HYDIN: variants seen among roughly 807,000 people sequenced by gnomAD.
The protein encoded by HYDIN is axonemal central pair apparatus protein HYDIN.
Under a neutral mutation model 403.9 loss-of-function variants are expected in HYDIN, and 132 were observed. That is an observed-to-expected ratio of 0.33 (90% CI 0.28 to 0.38). HYDIN has a LOEUF of 0.38. Ranked by LOEUF, HYDIN falls within the 10% of genes least tolerant of loss-of-function variation. HYDIN has a pLI of 1.00. For missense variants in HYDIN, 2,827 were observed against 5,009.5 expected, an observed-to-expected ratio of 0.56 and a Z score of 13.15; for synonymous variants, 1,202 against 1,891.7, an observed-to-expected ratio of 0.64 and a Z score of 9.46.
At chr16:71,019,575 T>G (rs2080397666) in intron 22 of HYDIN, among the ~76,000 whole-genome samples, 2 of 152,254 alleles carry the variant, frequency 1.3e-5, no homozygotes. Flanking sequence ...GCACTCGGTA[T>G]CGCCATGCTT....
chr16:71,010,122 G>A (rs1424182713), intron 23 of HYDIN, among the ~76,000 whole-genome samples: 2 of 134,340 alleles, frequency 1.5e-5, no homozygotes, highest in Admixed American at 7.7e-5. Context: ...GGAAGAAAGG[G>A]GGCTGAGGGG....
At chr16:70,916,009 T>C (rs542463641) in intron 47 of HYDIN, among the ~76,000 whole-genome samples, 158 of 152,324 alleles carry the variant, frequency 1.0e-3, no homozygotes, top group South Asian at 3.5e-3. Context: ...ACCAACAGCA[T>C]TGAGTCTGTT....
chr16:70,860,291 C>T, intron 70 of HYDIN, 85 bp from the exon 71 acceptor site: 2 of 1,475,634 alleles, frequency 1.4e-6, no homozygotes, highest in Non-Finnish European at 1.9e-6. Context: ...TGGCCCCAAC[C>T]CAGTCCCCCA....
At chr16:70,884,711 A>AAAACG (rs2041022714) in intron 58 of HYDIN, among the ~76,000 whole-genome samples, 1 of 151,882 alleles carries the variant, frequency 6.6e-6, no homozygotes, top group Non-Finnish European at 1.5e-5. Flanking sequence ...AAAACAAAAC[A>AAAACG]AAACAAAACA....
intron 9 of HYDIN, among the ~76,000 whole-genome samples, chr16:71,125,409 G>T (rs908208584): frequency 6.6e-6 from 1 of 152,122 alleles, no homozygotes; most frequent in Non-Finnish European, 1.5e-5. Context: ...TCATTCATTC[G>T]TTTATTAGCA....
chr16:70,803,132 C>T lies in HYDIN; in HGVS notation c.*4448G>A, dbSNP rs2034963921. On this transcript the variant is annotated 3_prime_UTR_variant, in exon 86 of 86. Transcript: ENST00000393567. ...ACTGAATTTCCCAAGGGTAATGATA[C>T]AGTTTTTAATAATTCAAACAATAAG... 6.6e-6 allele frequency among the ~76,000 whole-genome samples: 1 copy of T among 152,110 alleles called. No homozygotes were observed. The highest frequency in any genetic ancestry group is 2.4e-5 in the African/African-American group (1 of 41,420).
rs1195081488 is a variant in HYDIN, at chr16:71,228,501, ATG to A, written c.-24+2059_-24+2060del. Among the ~76,000 whole-genome samples, 3 of 152,262 alleles carry A rather than the reference ATG, an allele frequency of 2.0e-5. 1 individual carries two copies. Among genetic ancestry groups the A allele is most frequent in the African/African-American group, 7.2e-5 (3 of 41,470 alleles). On this transcript the variant is annotated intron_variant, in intron 1 of 85. Coordinates refer to ENST00000393567, the MANE Select transcript of HYDIN (RefSeq NM_001270974.2). The stretch of plus-strand genomic sequence containing the variant: ...ACCCATCAAAAAGTGGGCAAAGGAT[ATG>A]AACAGACACTTCTCAAAAGAAGACA...
Position 71,062,265 on chromosome 16 carries a change from G to A in HYDIN, c.2280C>T (p.Ser760=), listed in dbSNP as rs1342322054. 1.3e-6 allele frequency: 2 copies of A among 1,526,178 alleles called. No individual in the cohort carries two copies. Among genetic ancestry groups the A allele is most frequent in the African/African-American group, 2.7e-5 (2 of 73,218 alleles). The allele number at this position is 1,526,178 out of a possible 1,614,324, so 94.5% of individuals were successfully genotyped here. ...CCAGGACCAGTGGTATGTGGATGGT[G>A]CTGCTTGGGGAGATGACCCCGCTGG... ...PTPSGVISPS[S]TIHIPLVLET... Residue 760 remains serine (S), a synonymous_variant, in exon 17 of 86, where the codon AGC becomes AGT. Transcript: ENST00000393567.
In HYDIN at chr16:71,141,402, T is replaced by G. The variant is rs1370993562; in HGVS notation, c.842-4050A>C. The stretch of plus-strand genomic sequence containing the variant: ...ATATAAATGAGAATTTCTTCATAAC[T>G]TTAGAGAGGGAAAAGTTTCCTATGA... On this transcript the variant is annotated intron_variant, in intron 7 of 85. Coordinates refer to ENST00000393567, the MANE Select transcript of HYDIN (RefSeq NM_001270974.2). Among the ~76,000 whole-genome samples the G allele has an allele frequency of 2.0e-5, 3 of 151,980 alleles. No homozygotes were observed. The East Asian group carries it at 5.8e-4, about 29-fold the overall frequency.
chr16:71,161,654 C>T (rs2144602483), intron 6 of HYDIN, among the ~76,000 whole-genome samples: 1 of 152,138 alleles, frequency 6.6e-6, no homozygotes, highest in South Asian at 2.1e-4. Flanking sequence ...TTTAAAAGCC[C>T]TTGTTGGTTA....
chr16:71,100,585 T>C (rs1193229500), intron 10 of HYDIN, among the ~76,000 whole-genome samples: 1 of 152,196 alleles, frequency 6.6e-6, no homozygotes, highest in Non-Finnish European at 1.5e-5. Flanking sequence ...TCAGAATAGA[T>C]GCACAAATAC....
At chr16:71,165,256 C>A (rs2086169256) in intron 5 of HYDIN, among the ~76,000 whole-genome samples, 1 of 151,568 alleles carries the variant, frequency 6.6e-6, no homozygotes, top group Non-Finnish European at 1.5e-5. Context: ...TCCCCTGGTT[C>A]CCCCTGCAGC....
rs541828831 is a variant in HYDIN at position 71,067,330 on chromosome 16, C to T, written c.2035G>A (p.Gly679Ser). Residue 679 changes from glycine (G) to serine (S), a missense_variant, in exon 15 of 86, where the codon GGC (glycine) becomes AGC (serine). Transcript: ENST00000393567. ...YELALVVDVE[G>S]IGEEVLALLI... The stretch of plus-strand genomic sequence containing the variant: ...AGCGCCAGCACCTCTTCTCCGATGC[C>T]CTCCACGTCCACCACGAGTGCCAGC... 2.5e-6 allele frequency: 4 copies of T among 1,613,420 alleles called. No homozygotes were observed. The highest frequency in any genetic ancestry group is 2.2e-5 in the South Asian group (2 of 91,046).
chr16:71,222,435 A>C (rs1215413805), intron 1 of HYDIN, among the ~76,000 whole-genome samples: 1 of 152,210 alleles, frequency 6.6e-6, no homozygotes, highest in African/African-American at 2.4e-5. Flanking sequence ...CAAGACAAGG[A>C]TGCCCACTTT....
At chr16:70,871,946 T>C (rs2040132533) in intron 65 of HYDIN, 91 bp downstream of exon 65, 3 of 688,862 alleles carry the variant, frequency 4.4e-6, no homozygotes, top group Non-Finnish European at 7.7e-6. Context: ...ATTAATTCCA[T>C]TCCATGCATC....
intron 45 of HYDIN, among the ~76,000 whole-genome samples, chr16:70,925,062 C>T (rs901911071): frequency 9.2e-5 from 14 of 152,094 alleles, no homozygotes; most frequent in Non-Finnish European, 1.6e-4. Flanking sequence ...GATCTCAGTC[C>T]TGATTGAGTC....
chr16:71,195,997 AAAACAG>A (rs1250375151), intron 1 of HYDIN, among the ~76,000 whole-genome samples: 2 of 152,226 alleles, frequency 1.3e-5, no homozygotes, highest in Admixed American at 6.5e-5. Flanking sequence ...GAAGAAGGAA[AAAACAG>A]AAACAGAGAA....
In HYDIN at chr16:71,178,973, G is replaced by A. The variant is rs1313244950; in HGVS notation, c.336C>T (p.Pro112=). ...TCAGTGGAACTTCATAGACTTCACA[G>A]GGAGTGTAGTTCTGAAATATAATTT... ...PSEIIFQNYT[P]CEVYEVPLIL... Residue 112 remains proline (P), a synonymous_variant, in exon 4 of 86, where the codon CCC becomes CCT. Coordinates refer to ENST00000393567, the MANE Select transcript of HYDIN (RefSeq NM_001270974.2). 4 of 1,610,886 alleles carry A rather than the reference G, an allele frequency of 2.5e-6. No individual in the cohort carries two copies. In the South Asian group the frequency reaches 3.3e-5, roughly 13 times the overall value.
intron 20 of HYDIN, 167 bp downstream of exon 20, chr16:71,027,435 T>C: frequency 6.6e-7 from 1 of 1,506,180 alleles, no homozygotes; most frequent in East Asian, 2.5e-5. Context: ...TGAGCAGAGC[T>C]GCACCCCGAA....
Sources: gnomAD v4.1 joint callset for allele counts (sites outside exome capture counted in the v4.1 genomes callset) on GRCh38, gnomAD v4.1.1 for gene constraint, MANE v1.5 for transcripts, NCBI Gene and HGNC (gene_info 2026-07-23, HGNC 2026-07-21) for gene names.